Variants in KCTD1 observed in about 807,000 individuals in gnomAD.
The protein encoded by KCTD1 is potassium channel tetramerization domain containing 1.
Under a neutral mutation model 66.0 loss-of-function variants are expected in KCTD1, and 24 were observed. The observed-to-expected ratio is 0.36, with a 90% confidence interval of 0.26 to 0.51. The LOEUF (loss-of-function observed/expected upper bound fraction) is 0.51, where lower values mean the gene tolerates loss of function less well. KCTD1 is among the 20% of genes least tolerant of loss of function. The pLI is 0.95. For synonymous variants in KCTD1, 511 were observed against 517.2 expected, an observed-to-expected ratio of 0.99 and a Z score of 0.16; for missense variants, 943 against 1,205.2, an observed-to-expected ratio of 0.78 and a Z score of 3.22.
intron 1 of KCTD1, among the ~76,000 whole-genome samples, chr18:26,537,525 T>C (rs1984764193): frequency 6.6e-6 from 1 of 152,214 alleles, no homozygotes; most frequent in African/African-American, 2.4e-5. Flanking sequence ...CAACCAATTA[T>C]CTTAATTCTG....
At chr18:26,605,515 A>G (rs2144979809) in intron 1 of KCTD1, among the ~76,000 whole-genome samples, 1 of 152,162 alleles carries the variant, frequency 6.6e-6, no homozygotes, top group South Asian at 2.1e-4. Flanking sequence ...ATGTAATCCC[A>G]TCAAACCTTC....
intron 1 of KCTD1, chr18:26,599,268 A>T: frequency 1.5e-6 from 1 of 687,254 alleles, no homozygotes. Flanking sequence ...TGAAAAGACT[A>T]TTCCTTCTCC....
At chr18:26,656,877 C>T (rs1988160367) in intron 1 of KCTD1, among the ~76,000 whole-genome samples, 1 of 107,524 alleles carries the variant, frequency 9.3e-6, no homozygotes, top group Non-Finnish European at 1.8e-5. Context: ...GAAAGGGACG[C>T]GCGGGGCTCG....
intron 1 of KCTD1, among the ~76,000 whole-genome samples, chr18:26,599,127 G>T (rs1379975894): frequency 6.6e-6 from 1 of 152,066 alleles, no homozygotes; most frequent in East Asian, 1.9e-4. Flanking sequence ...TACTATCTTA[G>T]CTCTTAGAAT....
At chr18:26,546,463 T>C (rs1985224796) in intron 1 of KCTD1, among the ~76,000 whole-genome samples, 2 of 152,216 alleles carry the variant, frequency 1.3e-5, no homozygotes, top group South Asian at 2.1e-4. Flanking sequence ...GCTAATCCTT[T>C]TGTTCGGCGA....
chr18:26,650,143 C>T (rs1988003312), intron 1 of KCTD1, among the ~76,000 whole-genome samples: 1 of 152,170 alleles, frequency 6.6e-6, no homozygotes, highest in South Asian at 2.1e-4. Flanking sequence ...ATCAATGCTT[C>T]CCCAGATCAA....
Position 26,476,793 on chromosome 18 carries a change from A to C in KCTD1, c.1989-134T>G. The stretch of plus-strand genomic sequence containing the variant: ...GTAGGGAAAAATTACGATTGTCTGC[A>C]AAGTGTTGGTCCCCGCTTGATAAAT... On this transcript the variant is annotated intron_variant, in intron 2 of 4. Transcript: ENST00000580059. The surrounding 1 kb of genome is among the most constrained non-coding windows in gnomAD (Gnocchi z 4.9). 1.4e-6 allele frequency: 1 copy of C among 712,522 alleles called. No individual in the cohort carries two copies. Among genetic ancestry groups the C allele is most frequent in the Non-Finnish European group, 2.4e-6 (1 of 422,262 alleles). 44.1% of individuals were successfully genotyped at this position (712,522 alleles called of 1,614,324 possible).
intron 1 of KCTD1, among the ~76,000 whole-genome samples, chr18:26,561,482 T>G (rs1357855069): frequency 6.6e-6 from 1 of 152,142 alleles, no homozygotes; most frequent in Non-Finnish European, 1.5e-5. Context: ...AGATATATGT[T>G]CTGGGTCTCT....
chr18:26,656,585 G>A (rs571168311), intron 1 of KCTD1, among the ~76,000 whole-genome samples: 15 of 151,418 alleles, frequency 9.9e-5, no homozygotes, highest in Admixed American at 2.6e-4. Context: ...ACAAAGGGGA[G>A]CGGCGTGGTC....
intron 1 of KCTD1, among the ~76,000 whole-genome samples, chr18:26,508,409 G>A (rs1430834336): frequency 6.6e-6 from 1 of 152,212 alleles, no homozygotes; most frequent in African/African-American, 2.4e-5. Context: ...TGTTCAAACA[G>A]GAGCCCTGGG....
chr18:26,502,179 A>T (rs1982797085), intron 1 of KCTD1, among the ~76,000 whole-genome samples: 1 of 152,094 alleles, frequency 6.6e-6, no homozygotes, highest in Non-Finnish European at 1.5e-5. Context: ...CCTCCTGAGT[A>T]GCTGGGACTA....
At chr18:26,533,000 A>G (rs911307568) in intron 1 of KCTD1, among the ~76,000 whole-genome samples, 17 of 152,212 alleles carry the variant, frequency 1.1e-4, no homozygotes, top group Admixed American at 1.1e-3. Flanking sequence ...AAGACCTGGG[A>G]TCCAGTCCTA....
At chr18:26,570,151 AT>A (rs1986069561) in intron 1 of KCTD1, among the ~76,000 whole-genome samples, 1 of 148,340 alleles carries the variant, frequency 6.7e-6, no homozygotes, top group African/African-American at 2.5e-5. Flanking sequence ...GTGCCACTGC[AT>A]TGCAGCCTGG....
intron 1 of KCTD1, chr18:26,599,599 G>A (rs531818008): frequency 1.1e-4 from 169 of 1,497,862 alleles, no homozygotes; most frequent in Non-Finnish European, 1.5e-4. Context: ...TTATTTTGTC[G>A]GGTTTAGTCC....
intron 2 of KCTD1, among the ~76,000 whole-genome samples, chr18:26,498,939 CCTCT>C (rs1441579665): frequency 6.6e-6 from 1 of 152,156 alleles, no homozygotes; most frequent in African/African-American, 2.4e-5. Context: ...AGCCTCTCTC[CCTCT>C]GTCTTCTACT....
chr18:26,639,516 A>T (rs1157677597), intron 1 of KCTD1, among the ~76,000 whole-genome samples: 1 of 152,210 alleles, frequency 6.6e-6, no homozygotes, highest in Non-Finnish European at 1.5e-5. Flanking sequence ...AGAATTGGAA[A>T]AATAAAGAAA....
chr18:26,626,421 G>A (rs1987502327), intron 1 of KCTD1, among the ~76,000 whole-genome samples: 2 of 150,804 alleles, frequency 1.3e-5, no homozygotes, highest in Non-Finnish European at 2.9e-5. Context: ...TGGGCAGAGG[G>A]ATGGCTACTT....
At position 26,588,740 on chromosome 18, in the gene KCTD1, G is replaced by T. The variant is rs116417514; in HGVS notation, c.-16+40407C>A. Among the ~76,000 whole-genome samples, 1,402 of 152,266 alleles carry T rather than the reference G, an allele frequency of 9.2e-3. 10 individuals carry two copies. The highest frequency in any genetic ancestry group is 0.018 in the African/African-American group (740 of 41,548). On this transcript the variant is annotated intron_variant, in intron 1 of 4. Transcript: ENST00000317932. ...GGCCATTTGGAGTTTGCATGAGATAGGAGACAGTTTGCAAAGCAGAGAGAG... is the reference window on the plus strand; with the variant it reads ...GGCCATTTGGAGTTTGCATGAGATATGAGACAGTTTGCAAAGCAGAGAGAG...
At chr18:26,531,860 T>C (rs1390209160) in intron 1 of KCTD1, among the ~76,000 whole-genome samples, 1 of 152,228 alleles carries the variant, frequency 6.6e-6, no homozygotes, top group East Asian at 1.9e-4. Flanking sequence ...AATCCCACGA[T>C]TCTTTAGCAT....
Sources: allele counts gnomAD v4.1 joint callset (sites outside exome capture counted in the v4.1 genomes callset), GRCh38; gene constraint gnomAD v4.1.1; non-coding constraint Gnocchi (gnomAD v3.1); transcripts MANE v1.5; gene names NCBI Gene and HGNC (gene_info 2026-07-23, HGNC 2026-07-21).